HDLBP: variants seen among roughly 807,000 people sequenced by gnomAD.
The protein encoded by HDLBP is high density lipoprotein binding protein, also known as vigilin.
A neutral mutation model predicts 137.3 loss-of-function variants in HDLBP; 30 were observed. The observed-to-expected ratio is 0.22, with a 90% CI of 0.16 to 0.30. HDLBP has a LOEUF of 0.30. Among genes scored for constraint, HDLBP ranks in the 10% least tolerant of loss-of-function variants. The pLI is 1.00. For missense variants in HDLBP, 1,119 were observed against 1,667.3 expected, an observed-to-expected ratio of 0.67 and a Z score of 5.73; for synonymous variants, 606 against 596.0, an observed-to-expected ratio of 1.02 and a Z score of -0.24.
In HDLBP at chr2:241,238,393, C is replaced by G. The variant is rs2070811248; in HGVS notation, c.2749+256G>C. On this transcript the variant is annotated intron_variant, in intron 20 of 27. Coordinates refer to ENST00000310931, the MANE Select transcript of HDLBP (RefSeq NM_005336.6). The surrounding 1 kb of genome is among the most constrained non-coding windows in gnomAD (Gnocchi z 4.9). ...GGACACCCGAGGATGAGGCTGCACG[C>G]TCCTCATCGCCTTGGGACTGGCTAC... 2 of 322,034 alleles carry G rather than the reference C, an allele frequency of 6.2e-6. No homozygotes were observed. The allele number at this position is 322,034 out of a possible 1,614,324, so 19.9% of individuals were successfully genotyped here. A position where few individuals can be genotyped will look rare whatever the true frequency, so the allele number is the denominator to read the frequency against.
At chr2:241,247,962 C>A in intron 14 of HDLBP, 41 bp downstream of exon 14, 1 of 1,413,734 alleles carries the variant, frequency 7.1e-7, no homozygotes, top group East Asian at 2.3e-5. Context: ...CCCACCCACC[C>A]CAGGTGCTGT....
intron 5 of HDLBP, among the ~76,000 whole-genome samples, chr2:241,261,245 TGA>T (rs1018580366): frequency 5.5e-5 from 8 of 146,692 alleles, no homozygotes; most frequent in Non-Finnish European, 1.2e-4. Flanking sequence ...TGTTAAAGAA[TGA>T]GAGACAGGAC....
chr2:241,293,493 T>C (rs1050002944), intron 1 of HDLBP, among the ~76,000 whole-genome samples: 1 of 151,072 alleles, frequency 6.6e-6, no homozygotes, highest in East Asian at 2.0e-4. Flanking sequence ...GTGCCTGTAG[T>C]CCCAGCTACT....
rs771830112 is a variant in HDLBP at position 241,242,538 on chromosome 2, G to A, written c.2091C>T (p.Ser697=). Residue 697 remains serine (S), a synonymous_variant, in exon 17 of 28, where the codon AGC becomes AGT. Coordinates refer to ENST00000310931, the MANE Select transcript of HDLBP (RefSeq NM_005336.6). The stretch of plus-strand genomic sequence containing the variant: ...AAGGGCCCCTGATAACAACGGTGTC[G>A]CTTCCTGAACCTTCCACGGGAAAGT... The part of the protein sequence containing the change: ...HIHFPVEGSG[S]DTVVIRGPSS... 32 of 1,614,102 alleles carry A rather than the reference G, an allele frequency of 2.0e-5. 1 individual carries two copies. The highest frequency in any genetic ancestry group is 7.7e-5 in the South Asian group (7 of 91,070).
At chr2:241,283,266 C>T (rs1390489543) in intron 1 of HDLBP, among the ~76,000 whole-genome samples, 1 of 152,146 alleles carries the variant, frequency 6.6e-6, no homozygotes, top group Non-Finnish European at 1.5e-5. Flanking sequence ...CTCAAGCTAG[C>T]AGAGGTTGGT....
intron 5 of HDLBP, among the ~76,000 whole-genome samples, chr2:241,258,211 G>C (rs913710442): frequency 6.6e-6 from 1 of 152,006 alleles, no homozygotes; most frequent in East Asian, 1.9e-4. Flanking sequence ...AATTAGCATG[G>C]TGGCAGGCGC....
Position 241,240,102 on chromosome 2 carries a change from A to G in HDLBP, c.2190T>C (p.Val730=). 1 of 1,614,148 alleles carries G rather than the reference A, an allele frequency of 6.2e-7. No homozygotes were observed. The highest frequency in any genetic ancestry group is 8.5e-7 in the Non-Finnish European group (1 of 1,180,026). ...GGTATTCTGGCTTGGCGCGGATGTCAACAGTGAAACTCTTGGTTTGCTGCA... is the reference window on the plus strand; with the variant it reads ...GGTATTCTGGCTTGGCGCGGATGTCGACAGTGAAACTCTTGGTTTGCTGCA... ...AEEKQTKSFT[V]DIRAKPEYHK... Residue 730 remains valine (V), a synonymous_variant, in exon 18 of 28, where the codon GTT becomes GTC. Transcript: ENST00000310931. The surrounding 1 kb of genome is among the most constrained non-coding windows in gnomAD (Gnocchi z 5.5).
Position 241,230,704 on chromosome 2 carries a change from C to A in HDLBP, c.3474+55G>T, listed in dbSNP as rs1358487528. 2.0e-6 allele frequency: 3 copies of A among 1,510,656 alleles called. No homozygotes were observed. The highest frequency in any genetic ancestry group is 1.4e-5 in the African/African-American group (1 of 72,910). The allele number at this position is 1,510,656 out of a possible 1,614,324, so 93.6% of individuals were successfully genotyped here. On this transcript the variant is annotated intron_variant, in intron 25 of 27. Coordinates refer to ENST00000310931, the MANE Select transcript of HDLBP (RefSeq NM_005336.6). The surrounding 1 kb of genome is among the most constrained non-coding windows in gnomAD (Gnocchi z 5.0). Reference sequence around the variant, plus strand: ...ATGCCCTGCTCTTTCTTCTGGCCAGCCAGGTGCCCCCGGTGAGAGAGGATT... The same window carrying A: ...ATGCCCTGCTCTTTCTTCTGGCCAGACAGGTGCCCCCGGTGAGAGAGGATT...
At position 241,238,820 on chromosome 2, in the gene HDLBP, A is replaced by T; in HGVS notation, c.2611-33T>A. The T allele has an allele frequency of 6.8e-7, 1 of 1,466,710 alleles. No individual in the cohort carries two copies. The highest frequency in any genetic ancestry group is 9.1e-7 in the Non-Finnish European group (1 of 1,096,586). The allele number at this position is 1,466,710 out of a possible 1,614,324, so 90.9% of individuals were successfully genotyped here. A position where few individuals can be genotyped will look rare whatever the true frequency, so the allele number is the denominator to read the frequency against. On this transcript the variant is annotated intron_variant, in intron 19 of 27. Transcript: ENST00000310931. This position sits in a 1 kb window ranked among gnomAD's most constrained non-coding sequence, Gnocchi z 4.9. Reference sequence around the variant, plus strand: ...GAGGTACACAAAGAAAAAAGAAAAGAGCAAAGATTAAATTCCTTAGGGCAA... The same window carrying T: ...GAGGTACACAAAGAAAAAAGAAAAGTGCAAAGATTAAATTCCTTAGGGCAA...
rs2069450072 is a variant in HDLBP, at chr2:241,229,430, G to A, written c.*171C>T. ...GTCCTGAGCGGGCACGGCCAGGCCT[G>A]GAGGAGCGGCCGCACACACAGCCAG... On this transcript the variant is annotated 3_prime_UTR_variant, in exon 28 of 28. Coordinates refer to ENST00000310931, the MANE Select transcript of HDLBP (RefSeq NM_005336.6). 1.7e-6 allele frequency: 1 copy of A among 576,500 alleles called. No individual in the cohort carries two copies. Among genetic ancestry groups the A allele is most frequent in the Non-Finnish European group, 3.1e-6 (1 of 320,812 alleles). The allele number at this position is 576,500 out of a possible 1,614,324, so 35.7% of individuals were successfully genotyped here. A position where few individuals can be genotyped will look rare whatever the true frequency, so the allele number is the denominator to read the frequency against.
Position 241,264,663 on chromosome 2 carries a change from A to T in HDLBP, c.77-58T>A. 3.3e-6 allele frequency: 5 copies of T among 1,534,110 alleles called. No individual in the cohort carries two copies. In the South Asian group the frequency reaches 5.7e-5, roughly 17 times the overall value. On this transcript the variant is annotated intron_variant, in intron 3 of 27. Coordinates refer to ENST00000310931, the MANE Select transcript of HDLBP (RefSeq NM_005336.6). ...CTACTTTTAGCATTACATGAAAAACACTTTTAAGGGTTTTAGTGCTTAAAA... is the reference window on the plus strand; with the variant it reads ...CTACTTTTAGCATTACATGAAAAACTCTTTTAAGGGTTTTAGTGCTTAAAA...
chr2:241,304,981 T>C (rs1267393969), intron 1 of HDLBP, among the ~76,000 whole-genome samples: 2 of 152,262 alleles, frequency 1.3e-5, no homozygotes, highest in Non-Finnish European at 2.9e-5. Context: ...AGCATATACA[T>C]AGACAGCACT....
intron 23 of HDLBP, 128 bp from the exon 24 acceptor site, chr2:241,234,091 G>A: frequency 9.5e-7 from 1 of 1,054,414 alleles, no homozygotes; most frequent in Non-Finnish European, 1.4e-6. Context: ...GTCCGGAATG[G>A]TCCGCCATCT....
Position 241,239,290 on chromosome 2 carries a change from G to A in HDLBP, c.2610+312C>T, listed in dbSNP as rs898118898. Among the ~76,000 whole-genome samples, 4 of 151,992 alleles carry A rather than the reference G, an allele frequency of 2.6e-5. No individual in the cohort carries two copies. The highest frequency in any genetic ancestry group is 4.4e-5 in the Non-Finnish European group (3 of 68,002). ...CTTAGACTGCATTTTCATTTTTCCTGATCCCTTATACAGAATGCATTTTCT... is the reference window on the plus strand; with the variant it reads ...CTTAGACTGCATTTTCATTTTTCCTAATCCCTTATACAGAATGCATTTTCT... On this transcript the variant is annotated intron_variant, in intron 19 of 27. Coordinates refer to ENST00000310931, the MANE Select transcript of HDLBP (RefSeq NM_005336.6). The surrounding 1 kb of genome is among the most constrained non-coding windows in gnomAD (Gnocchi z 4.6).
intron 4 of HDLBP, 98 bp downstream of exon 4, chr2:241,264,350 G>C: frequency 1.2e-6 from 1 of 827,426 alleles, no homozygotes; most frequent in Non-Finnish European, 1.8e-6. Flanking sequence ...CGACAGAGCG[G>C]GACTCTGTCT....
Position 241,228,138 on chromosome 2 carries a change from C to A in HDLBP, c.*1463G>T. On this transcript the variant is annotated 3_prime_UTR_variant, in exon 28 of 28. Transcript: ENST00000310931. ...GAGGTGTCAAGGCGGAAGCGACTGT[C>A]CCCAGGGAAGGGCTGTGAGATGGAT... 6.6e-6 allele frequency: 1 copy of A among 152,400 alleles called. No individual in the cohort carries two copies. The allele number at this position is 152,400 out of a possible 1,614,324, so 9.4% of individuals were successfully genotyped here. A position where few individuals can be genotyped will look rare whatever the true frequency, so the allele number is the denominator to read the frequency against.
At chr2:241,257,551 A>C (rs1559512203) in intron 5 of HDLBP, among the ~76,000 whole-genome samples, 1 of 152,214 alleles carries the variant, frequency 6.6e-6, no homozygotes, top group Non-Finnish European at 1.5e-5. Context: ...TTTCTAATAG[A>C]AAAAAGGAAA....
Position 241,239,594 on chromosome 2 carries a change from G to A in HDLBP, c.2610+8C>T. The A allele has an allele frequency of 1.2e-6, 2 of 1,612,592 alleles. No homozygotes were observed. The highest frequency in any genetic ancestry group is 1.7e-6 in the Non-Finnish European group (2 of 1,178,644). On this transcript the variant is annotated splice_region_variant and intron_variant, in intron 19 of 27. Transcript: ENST00000310931. This position sits in a 1 kb window ranked among gnomAD's most constrained non-coding sequence, Gnocchi z 4.6. ...TGAGAACCCCTCCCCGAGCACCCAA[G>A]TGCCTACCAGGTCCTCAATGATCTC...
chr2:241,261,265 T>C (rs901572477), intron 5 of HDLBP, among the ~76,000 whole-genome samples: 2 of 149,674 alleles, frequency 1.3e-5, no homozygotes, highest in East Asian at 4.0e-4. Context: ...GACTCTATAA[T>C]CAAATGCAAC....
Sources: allele counts gnomAD v4.1 joint callset (sites outside exome capture counted in the v4.1 genomes callset), GRCh38; gene constraint gnomAD v4.1.1; non-coding constraint Gnocchi (gnomAD v3.1); transcripts MANE v1.5; gene names NCBI Gene and HGNC (gene_info 2026-07-23, HGNC 2026-07-21).